GIGYF2: variants seen among roughly 807,000 people sequenced by gnomAD.
GIGYF2 encodes GRB10-interacting GYF protein 2.
Under a neutral mutation model 208.1 loss-of-function variants are expected in GIGYF2, and 25 were observed. The ratio of observed to expected loss-of-function variants is 0.12; its 90% CI spans 0.09 to 0.17. GIGYF2 has a LOEUF of 0.17. GIGYF2 is among the 10% of genes least tolerant of loss of function. The pLI, the probability that GIGYF2 is intolerant of heterozygous loss-of-function variation, is 1.00. For missense variants in GIGYF2, 1,302 were observed against 1,579.4 expected (o/e 0.82, Z 2.98); for synonymous variants, 534 against 543.8 (o/e 0.98, Z 0.25).
At chr2:232,845,929 C>A in intron 26 of GIGYF2, 43 bp downstream of exon 26, 1 of 1,345,926 alleles carries the variant, frequency 7.4e-7, no homozygotes, top group Non-Finnish European at 1.1e-6. Flanking sequence ...AATGACAGAG[C>A]AGGACCCACA....
At chr2:232,832,556 T>G (rs1701454684) in intron 21 of GIGYF2, among the ~76,000 whole-genome samples, 1 of 152,228 alleles carries the variant, frequency 6.6e-6, no homozygotes. Flanking sequence ...GTTGGAGCAG[T>G]GTTTCCAGGA....
At chr2:232,724,508 A>G (rs1697107479) in intron 2 of GIGYF2, 1 of 152,060 alleles carries the variant, frequency 6.6e-6, no homozygotes, top group African/African-American at 2.4e-5. Flanking sequence ...TTCGAAGCCA[A>G]TGAAGAATTT....
At chr2:232,846,028 T>TCTATTAAAATA in intron 26 of GIGYF2, 142 bp downstream of exon 26, 1 of 694,270 alleles carries the variant, frequency 1.4e-6, no homozygotes, top group East Asian at 2.7e-5. Flanking sequence ...GGAACTTGAC[T>TCTATTAAAATA]CTTTAATAGT....
At chr2:232,776,907 G>A (rs1699537850) in intron 8 of GIGYF2, 1 of 154,672 alleles carries the variant, frequency 6.5e-6, no homozygotes, top group Non-Finnish European at 1.4e-5. Context: ...GCATGTTGAA[G>A]TGTGAGATAT....
chr2:232,757,047 T>A (rs1698573568), intron 6 of GIGYF2, among the ~76,000 whole-genome samples: 1 of 152,218 alleles, frequency 6.6e-6, no homozygotes, highest in Non-Finnish European at 1.5e-5. Context: ...CTGTAAGAGA[T>A]GCTTTAGAAA....
At chr2:232,770,978 C>T (rs1574860880) in intron 8 of GIGYF2, 1 of 1,614,010 alleles carries the variant, frequency 6.2e-7, no homozygotes, top group East Asian at 2.2e-5. Context: ...GGACAGTCAC[C>T]ACTGGGGAAC....
intron 16 of GIGYF2, chr2:232,811,021 T>C (rs1361807061): frequency 2.6e-5 from 13 of 491,114 alleles, no homozygotes; most frequent in Non-Finnish European, 3.7e-6. Context: ...TGCTATCCTC[T>C]TTCACTCGGA....
intron 4 of GIGYF2, among the ~76,000 whole-genome samples, 200 bp from the exon 5 acceptor site, chr2:232,748,787 G>A (rs1027183828): frequency 4.6e-5 from 7 of 152,176 alleles, no homozygotes; most frequent in Middle Eastern, 3.2e-3. Flanking sequence ...AAGCTGGGGA[G>A]TATTGACTGG....
At chr2:232,818,758 G>A (rs985723863) in intron 20 of GIGYF2, among the ~76,000 whole-genome samples, 1 of 151,898 alleles carries the variant, frequency 6.6e-6, no homozygotes, top group Non-Finnish European at 1.5e-5. Flanking sequence ...TGTCAAATGT[G>A]TATCTAAAAA....
intron 16 of GIGYF2, 145 bp downstream of exon 16, chr2:232,809,956 A>G: frequency 1.5e-6 from 1 of 661,662 alleles, no homozygotes; most frequent in Non-Finnish European, 2.8e-6. Flanking sequence ...TCTTGCCACC[A>G]TACCTTCTAA....
intron 8 of GIGYF2, among the ~76,000 whole-genome samples, chr2:232,775,822 G>A (rs572338855): frequency 2.6e-5 from 4 of 152,264 alleles, no homozygotes; most frequent in East Asian, 3.9e-4. Flanking sequence ...CTATGTATTT[G>A]TTCATGTCTG....
At chr2:232,815,980 CAT>C (rs904830575) in intron 19 of GIGYF2, 6 of 485,370 alleles carry the variant, frequency 1.2e-5, no homozygotes, top group African/African-American at 3.9e-5. Flanking sequence ...ATTATAGACA[CAT>C]ATATATTTTA....
At chr2:232,706,553 G>A (rs1020077202) in intron 2 of GIGYF2, among the ~76,000 whole-genome samples, 3 of 152,122 alleles carry the variant, frequency 2.0e-5, no homozygotes, top group African/African-American at 4.8e-5. Context: ...TGAGGCAGGC[G>A]GATCACTTGA....
In GIGYF2 at chr2:232,781,287, T is replaced by C. The variant is rs570354810; in HGVS notation, c.533-5863T>C. ...TATTTATTTTAAATTATATCAGGAA[T>C]ACACACACACACACACACACACACA... On this transcript the variant is annotated intron_variant, in intron 8 of 28. Transcript: ENST00000373563. Among the ~76,000 whole-genome samples, 694 of 127,128 alleles carry C rather than the reference T, an allele frequency of 5.5e-3. 1 individual carries two copies. Among genetic ancestry groups the C allele is most frequent in the Non-Finnish European group, 7.8e-3 (492 of 63,136 alleles). 83.4% of individuals were successfully genotyped at this position (127,128 alleles called of 152,430 possible).
At chr2:232,811,065 A>G in intron 16 of GIGYF2, 179 bp from the exon 17 acceptor site, 2 of 570,706 alleles carry the variant, frequency 3.5e-6, no homozygotes, top group East Asian at 3.1e-5. Flanking sequence ...TCTTTCTAGA[A>G]TGAAGCATAG....
intron 8 of GIGYF2, among the ~76,000 whole-genome samples, chr2:232,764,939 C>T (rs1351397822): frequency 6.6e-6 from 1 of 151,986 alleles, no homozygotes; most frequent in Non-Finnish European, 1.5e-5. Context: ...TATTTACATC[C>T]CATTGGTATA....
intron 2 of GIGYF2, among the ~76,000 whole-genome samples, chr2:232,712,189 A>C (rs997083434): frequency 1.8e-4 from 28 of 152,334 alleles, no homozygotes; most frequent in African/African-American, 5.1e-4. Context: ...AAAGTCTGCT[A>C]CATATCCTAG....
At chr2:232,808,973 C>T (rs947831607) in intron 15 of GIGYF2, among the ~76,000 whole-genome samples, 1 of 152,076 alleles carries the variant, frequency 6.6e-6, no homozygotes, top group Admixed American at 6.6e-5. Flanking sequence ...GAGACGGAGT[C>T]TTGCTCTGTC....
rs183020107 is a variant in GIGYF2 at position 232,802,938 on chromosome 2, C to A, written c.1640-3553C>A. On this transcript the variant is annotated intron_variant, in intron 14 of 28. Coordinates refer to ENST00000373563, the MANE Select transcript of GIGYF2 (RefSeq NM_001103146.3). ...TTTTAAAGACAGAGTCTAGCTCTGT[C>A]GGCCAGGCTGGAGTGCAGTGGCACA... Among the ~76,000 whole-genome samples the A allele has an allele frequency of 1.6e-4, 24 of 148,806 alleles. 1 individual carries two copies. The highest frequency in any genetic ancestry group is 1.3e-4 in the Non-Finnish European group (9 of 67,598).
Sources: allele counts gnomAD v4.1 joint callset (sites outside exome capture counted in the v4.1 genomes callset), GRCh38; gene constraint gnomAD v4.1.1; transcripts MANE v1.5; gene names NCBI Gene and HGNC (gene_info 2026-07-23, HGNC 2026-07-21).